ASH2L: variants seen among roughly 807,000 people sequenced by gnomAD.
ASH2L encodes ASH2 like, histone lysine methyltransferase complex subunit.
In ASH2L, 30 loss-of-function variants were observed where a neutral mutation model predicts 81.1. The ratio of observed to expected loss-of-function variants is 0.37; its 90% CI spans 0.28 to 0.50. The LOEUF is 0.50. Among genes scored for constraint, ASH2L ranks in the 20% least tolerant of loss-of-function variants. The probability of loss-of-function intolerance (pLI) is 0.95; values close to 1 mark genes in which losing one functional copy is unlikely to be tolerated. For missense variants in ASH2L, 559 were observed against 792.1 expected, an observed-to-expected ratio of 0.71 and a Z score of 3.53; for synonymous variants, 273 against 279.9, an observed-to-expected ratio of 0.98 and a Z score of 0.24.
chr8:38,133,380 T>A, intron 12 of ASH2L, 74 bp from the exon 13 acceptor site: 1 of 973,186 alleles, frequency 1.0e-6, no homozygotes, highest in Non-Finnish European at 1.6e-6. Context: ...ACACTATTTG[T>A]GTGCGGATGC....
intron 10 of ASH2L, among the ~76,000 whole-genome samples, chr8:38,125,442 GA>G (rs1160408795): frequency 2.0e-5 from 3 of 151,914 alleles, no homozygotes; most frequent in Non-Finnish European, 2.9e-5. Context: ...CCATCATGAA[GA>G]AACCCCTTCT....
At chr8:38,110,657 T>TGCTG in intron 4 of ASH2L, 82 bp from the exon 5 acceptor site, 1 of 1,269,576 alleles carries the variant, frequency 7.9e-7, no homozygotes. Context: ...ATTGTTATTT[T>TGCTG]CTGGACCACT....
At chr8:38,129,627 T>C (rs568202529) in intron 12 of ASH2L, among the ~76,000 whole-genome samples, 23 of 152,180 alleles carry the variant, frequency 1.5e-4, no homozygotes, top group Non-Finnish European at 3.1e-4. Flanking sequence ...GGAAGTTTCC[T>C]CATGCCTTTT....
chr8:38,135,283 T>TA (rs948194246), intron 13 of ASH2L, among the ~76,000 whole-genome samples: 5 of 152,134 alleles, frequency 3.3e-5, no homozygotes, highest in South Asian at 2.1e-4. Flanking sequence ...TCTGTCTCTA[T>TA]AAAAAAATTT....
At chr8:38,111,360 A>T (rs1051276251) in intron 5 of ASH2L, among the ~76,000 whole-genome samples, 1 of 152,164 alleles carries the variant, frequency 6.6e-6, no homozygotes, top group Admixed American at 6.6e-5. Flanking sequence ...AAGTGCTGGG[A>T]TTACAGGTGT....
At chr8:38,126,529 G>A (rs1421896250) in intron 10 of ASH2L, among the ~76,000 whole-genome samples, 1 of 152,144 alleles carries the variant, frequency 6.6e-6, no homozygotes, top group East Asian at 1.9e-4. Context: ...ACTGAGTGAA[G>A]CACACACTAG....
rs757336741 is a variant in ASH2L at position 38,105,541 on chromosome 8, G to A, written c.-10G>A. ...AGAGTATTCTCGCGAGAAGTCCAGG[G>A]GTGGCCGTGATGGCGGCGGCAGGAG... On this transcript the variant is annotated 5_prime_UTR_variant, in exon 1 of 16. Transcript: ENST00000343823. 27 of 1,555,106 alleles carry A rather than the reference G, an allele frequency of 1.7e-5. No individual in the cohort carries two copies. Among genetic ancestry groups the A allele is most frequent in the South Asian group, 5.8e-5 (5 of 86,094 alleles).
intron 10 of ASH2L, among the ~76,000 whole-genome samples, 186 bp downstream of exon 10, chr8:38,121,335 A>ATTTT (rs564967510): frequency 4.9e-4 from 27 of 54,676 alleles, no homozygotes; most frequent in African/African-American, 1.7e-3. Context: ...CGTTTTATTT[A>ATTTT]TATATATATA....
intron 1 of ASH2L, chr8:38,106,142 A>G: frequency 2.0e-6 from 3 of 1,530,194 alleles, no homozygotes; most frequent in Non-Finnish European, 8.8e-7. Flanking sequence ...TAACCCAGGT[A>G]GATTTGACTG....
chr8:38,133,876 T>C (rs1431580082), intron 13 of ASH2L, among the ~76,000 whole-genome samples: 5 of 152,168 alleles, frequency 3.3e-5, no homozygotes, highest in East Asian at 1.9e-4. Context: ...TTTTGTGGAA[T>C]AGAAAAGGGG....
chr8:38,119,076 C>T, intron 8 of ASH2L, 194 bp from the exon 9 acceptor site: 4 of 510,032 alleles, frequency 7.8e-6, no homozygotes, highest in South Asian at 2.4e-5. Context: ...ATTGCCAGAA[C>T]CCAGTGTTCC....
intron 10 of ASH2L, among the ~76,000 whole-genome samples, chr8:38,126,151 C>T (rs1801836248): frequency 6.6e-6 from 1 of 150,940 alleles, no homozygotes. Context: ...TGCAGTGAGC[C>T]GAGGTTGCAC....
At chr8:38,133,257 G>A (rs1802129642) in intron 12 of ASH2L, among the ~76,000 whole-genome samples, 197 bp from the exon 13 acceptor site, 1 of 152,190 alleles carries the variant, frequency 6.6e-6, no homozygotes, top group Admixed American at 6.5e-5. Flanking sequence ...TACTGAAAAT[G>A]TTTTAATAAA....
Position 38,135,789 on chromosome 8 carries a change from T to A in ASH2L, c.1719+23T>A, listed in dbSNP as rs747332417. The A allele has an allele frequency of 7.1e-6, 11 of 1,548,686 alleles. No homozygotes were observed. The South Asian group carries it at 1.3e-4, about 18-fold the overall frequency. ...ACGGTACGTACATGTTTCCATCCCA[T>A]GAGCAAAACTTGAGGGAAGCAGATG... is the stretch of plus-strand genomic sequence containing the variant. On this transcript the variant is annotated intron_variant, in intron 14 of 15. Coordinates refer to ENST00000343823, the MANE Select transcript of ASH2L (RefSeq NM_004674.5).
chr8:38,115,149 A>G, intron 7 of ASH2L, 149 bp downstream of exon 7: 1 of 613,460 alleles, frequency 1.6e-6, no homozygotes, highest in Non-Finnish European at 3.0e-6. Context: ...AGTGACTGAT[A>G]TGAGAGTACT....
At chr8:38,111,843 T>G (rs1047057930) in intron 5 of ASH2L, among the ~76,000 whole-genome samples, 5 of 152,196 alleles carry the variant, frequency 3.3e-5, no homozygotes, top group African/African-American at 1.2e-4. Context: ...TAAAAAAATT[T>G]AACATTGGTG....
chr8:38,114,315 GACATTTAAAAA>G (rs758735102), intron 6 of ASH2L, 28 bp downstream of exon 6: 1 of 1,384,898 alleles, frequency 7.2e-7, no homozygotes, highest in Non-Finnish European at 1.0e-6. Flanking sequence ...GATTAGACTT[GACATTTAAAAA>G]ACCATTGTTT....
chr8:38,137,088 G>A (rs1201531908), intron 14 of ASH2L, among the ~76,000 whole-genome samples: 2 of 136,450 alleles, frequency 1.5e-5, no homozygotes, highest in Admixed American at 7.7e-5. Flanking sequence ...GTGAGACTCC[G>A]TCTCAAAAAA....
At chr8:38,116,364 CA>C (rs933874570) in intron 7 of ASH2L, among the ~76,000 whole-genome samples, 7 of 147,546 alleles carry the variant, frequency 4.7e-5, no homozygotes, top group Non-Finnish European at 7.5e-5. Flanking sequence ...GAAACTCTCT[CA>C]AAAAAAAAAT....
Sources: gnomAD v4.1 joint callset for allele counts (sites outside exome capture counted in the v4.1 genomes callset) on GRCh38, gnomAD v4.1.1 for gene constraint, MANE v1.5 for transcripts, NCBI Gene and HGNC (gene_info 2026-07-23, HGNC 2026-07-21) for gene names.